The following ZBTB20 variants were observed in gnomAD, a reference collection of about 807,000 sequenced individuals.
ZBTB20 encodes zinc finger and BTB domain-containing protein 20.
ZBTB20 carries 9 observed loss-of-function variants against 56.9 expected under a neutral mutation model. The ratio of observed to expected loss-of-function variants is 0.16; its 90% CI spans 0.10 to 0.28. The LOEUF is 0.28. ZBTB20 is among the 10% of genes least tolerant of loss of function. ZBTB20 has a pLI of 1.00. For synonymous variants in ZBTB20, 417 were observed against 420.7 expected (o/e 0.99, Z 0.11); for missense variants, 655 against 1,003.0 (o/e 0.65, Z 4.69).
intron 4 of ZBTB20, among the ~76,000 whole-genome samples, chr3:114,835,736 TA>T (rs1288989579): frequency 6.6e-6 from 1 of 152,186 alleles, no homozygotes; most frequent in East Asian, 1.9e-4. Flanking sequence ...CATAGATACC[TA>T]AAGACCTTTT....
intron 2 of ZBTB20, among the ~76,000 whole-genome samples, chr3:115,049,020 T>A (rs563964581): frequency 9.9e-5 from 15 of 151,840 alleles, no homozygotes; most frequent in Non-Finnish European, 1.9e-4. Flanking sequence ...GTCATATACT[T>A]TTTTTTTAAT....
intron 6 of ZBTB20, among the ~76,000 whole-genome samples, chr3:114,504,941 C>A (rs2044422367): frequency 1.3e-5 from 2 of 152,206 alleles, no homozygotes; most frequent in Admixed American, 1.3e-4. Flanking sequence ...TTTTTAACCA[C>A]TAAATTACAC....
At chr3:115,069,104 G>A (rs541182183) in intron 2 of ZBTB20, among the ~76,000 whole-genome samples, 1 of 152,184 alleles carries the variant, frequency 6.6e-6, no homozygotes, top group South Asian at 2.1e-4. Context: ...AAGAAAGCAG[G>A]TAAAAGCTTA....
chr3:114,880,449 G>A (rs556576180), intron 4 of ZBTB20, among the ~76,000 whole-genome samples: 1 of 152,120 alleles, frequency 6.6e-6, no homozygotes, highest in Non-Finnish European at 1.5e-5. Flanking sequence ...GAACTGATGA[G>A]GATATGAACA....
At chr3:115,079,360 T>C (rs2082711194) in intron 1 of ZBTB20, among the ~76,000 whole-genome samples, 1 of 150,062 alleles carries the variant, frequency 6.7e-6, no homozygotes, top group Non-Finnish European at 1.5e-5. Context: ...AGAATTAATC[T>C]TCAGTTCCTC....
At chr3:114,420,260 G>A (rs1296692724) in intron 7 of ZBTB20, among the ~76,000 whole-genome samples, 1 of 152,116 alleles carries the variant, frequency 6.6e-6, no homozygotes, top group African/African-American at 2.4e-5. Context: ...TGGGCCAAAA[G>A]GAGGAAATAC....
intron 2 of ZBTB20, among the ~76,000 whole-genome samples, chr3:115,011,839 AT>A (rs372862886): frequency 5.5e-4 from 83 of 151,980 alleles, no homozygotes; most frequent in South Asian, 6.2e-4. Context: ...GATAAAAAAA[AT>A]AAATACAACT....
chr3:114,529,602 A>G (rs575854761), intron 6 of ZBTB20: 31 of 152,240 alleles, frequency 2.0e-4, no homozygotes, highest in Non-Finnish European at 4.1e-4. Flanking sequence ...TGAATTCAGA[A>G]TAGAACATAG....
At chr3:115,019,337 C>A (rs767759582) in intron 2 of ZBTB20, among the ~76,000 whole-genome samples, 1 of 150,930 alleles carries the variant, frequency 6.6e-6, no homozygotes, top group South Asian at 2.1e-4. Context: ...TGAATTATAC[C>A]AAGTGAAATC....
chr3:114,839,140 C>T (rs2074254869), intron 4 of ZBTB20, among the ~76,000 whole-genome samples: 1 of 152,058 alleles, frequency 6.6e-6, no homozygotes, highest in African/African-American at 2.4e-5. Context: ...CTGTCTCATG[C>T]CTATAATCCC....
At chr3:114,834,650 T>G (rs577922934) in intron 4 of ZBTB20, among the ~76,000 whole-genome samples, 17 of 152,200 alleles carry the variant, frequency 1.1e-4, no homozygotes, top group Admixed American at 3.3e-4. Flanking sequence ...TCCTTGCACC[T>G]TTCCACCCTT....
At chr3:114,892,230 T>G (rs1295761030) in intron 4 of ZBTB20, among the ~76,000 whole-genome samples, 1 of 152,242 alleles carries the variant, frequency 6.6e-6, no homozygotes, top group East Asian at 1.9e-4. Flanking sequence ...CATTCCGTCT[T>G]GCTAAGGAAG....
At chr3:114,869,166 T>A (rs926832753) in intron 4 of ZBTB20, among the ~76,000 whole-genome samples, 2 of 152,086 alleles carry the variant, frequency 1.3e-5, no homozygotes, top group African/African-American at 4.8e-5. Context: ...CTTCTCCAAT[T>A]TCTGCATTTG....
chr3:114,501,700 T>C lies in ZBTB20; in HGVS notation c.-294-1309A>G, dbSNP rs571723000. On this transcript the variant is annotated intron_variant, in intron 6 of 11. Coordinates refer to ENST00000675478, the MANE Select transcript of ZBTB20 (RefSeq NM_001348800.3). The stretch of plus-strand genomic sequence containing the variant: ...GTCTGCCCATCATTGTGCTTTGTTT[T>C]TTTTTCTTTCTTTTTTTTTTTTTTT... Among the ~76,000 whole-genome samples, 20 of 150,238 alleles carry C rather than the reference T, an allele frequency of 1.3e-4. 1 individual carries two copies. The South Asian group carries it at 4.2e-3, about 32-fold the overall frequency.
chr3:114,532,987 T>C (rs141647370), intron 6 of ZBTB20, among the ~76,000 whole-genome samples: 313 of 152,192 alleles, frequency 2.1e-3, no homozygotes, highest in African/African-American at 7.2e-3. Flanking sequence ...CATCCGAAGA[T>C]CACCAGCGTC....
intron 6 of ZBTB20, among the ~76,000 whole-genome samples, chr3:114,537,015 A>G (rs548603323): frequency 6.6e-6 from 1 of 152,334 alleles, no homozygotes; most frequent in African/African-American, 2.4e-5. Context: ...CCTAAATGTA[A>G]GACCTCAAAC....
intron 6 of ZBTB20, among the ~76,000 whole-genome samples, chr3:114,547,680 C>T (rs1266113848): frequency 6.6e-6 from 1 of 151,998 alleles, no homozygotes; most frequent in Non-Finnish European, 1.5e-5. Flanking sequence ...CCTCCTTTGC[C>T]CTAATGTTAC....
intron 6 of ZBTB20, among the ~76,000 whole-genome samples, chr3:114,604,755 C>T: frequency 6.6e-6 from 1 of 151,972 alleles, no homozygotes. Context: ...GACTTTGTAG[C>T]ATTCTTCAGA....
chr3:114,930,737 G>T, intron 3 of ZBTB20: 1 of 241,820 alleles, frequency 4.1e-6, no homozygotes. Flanking sequence ...TATGCGAATG[G>T]CACCAAGGAA....
Sources: allele counts gnomAD v4.1 joint callset (sites outside exome capture counted in the v4.1 genomes callset), GRCh38; gene constraint gnomAD v4.1.1; transcripts MANE v1.5; gene names NCBI Gene and HGNC (gene_info 2026-07-23, HGNC 2026-07-21).